The following SNTB2 variants were observed in gnomAD, a reference collection of about 807,000 sequenced individuals.
SNTB2 encodes syntrophin beta 2, also known as beta-2-syntrophin.
SNTB2 carries 34 observed loss-of-function variants against 46.2 expected under a neutral mutation model. The observed-to-expected ratio is 0.74, with a 90% CI of 0.56 to 0.98. The LOEUF (loss-of-function observed/expected upper bound fraction) is 0.98, where lower values mean the gene tolerates loss of function less well. SNTB2 is among the 50% of genes least tolerant of loss of function. SNTB2 has a pLI of 0.00. For synonymous variants in SNTB2, 290 were observed against 312.6 expected, an observed-to-expected ratio of 0.93 and a Z score of 0.76; for missense variants, 603 against 731.4, an observed-to-expected ratio of 0.82 and a Z score of 2.02.
chr16:69,244,794 A>G (rs1347437604), intron 1 of SNTB2, among the ~76,000 whole-genome samples: 1 of 152,178 alleles, frequency 6.6e-6, no homozygotes, highest in Non-Finnish European at 1.5e-5. Flanking sequence ...AAGAACTGTA[A>G]TGGCCTGTTT....
chr16:69,299,550 AG>A (rs1965259789), intron 5 of SNTB2, 39 bp from the exon 6 acceptor site: 1 of 1,592,544 alleles, frequency 6.3e-7, no homozygotes, highest in Admixed American at 1.7e-5. Context: ...TAACTGACAT[AG>A]CAACTTTACA....
chr16:69,263,894 A>T (rs1277994094), intron 3 of SNTB2, among the ~76,000 whole-genome samples: 5 of 147,936 alleles, frequency 3.4e-5, no homozygotes, highest in African/African-American at 1.3e-4. Flanking sequence ...GCAGAGTCTC[A>T]CTCTGTTGCC....
rs180849308 is a variant in SNTB2 at position 69,213,744 on chromosome 16, C to T, written c.580+25998C>T. ...GGAACTCCTGACCTTGTGTTCCACC[C>T]GCCTTAGCATCCCAAAGTACTGGGA... On this transcript the variant is annotated intron_variant, in intron 1 of 6. Coordinates refer to ENST00000336278, the MANE Select transcript of SNTB2 (RefSeq NM_006750.4). 9.1e-3 allele frequency among the ~76,000 whole-genome samples: 1,386 copies of T among 151,596 alleles called. 17 individuals carry two copies. Among genetic ancestry groups the T allele is most frequent in the South Asian group, 0.014 (68 of 4,798 alleles).
chr16:69,282,595 C>G (rs1965060648), intron 4 of SNTB2, among the ~76,000 whole-genome samples: 1 of 152,270 alleles, frequency 6.6e-6, no homozygotes, highest in Non-Finnish European at 1.5e-5. Context: ...AGTTTCCATA[C>G]AAACTTTGGA....
chr16:69,252,031 A>G (rs887935269), intron 2 of SNTB2, among the ~76,000 whole-genome samples: 1 of 152,230 alleles, frequency 6.6e-6, no homozygotes, highest in Non-Finnish European at 1.5e-5. Context: ...CCACATCCTC[A>G]CCAAAAGGTG....
At chr16:69,254,464 G>A (rs1039721309) in intron 2 of SNTB2, among the ~76,000 whole-genome samples, 7 of 152,198 alleles carry the variant, frequency 4.6e-5, no homozygotes, top group African/African-American at 1.4e-4. Flanking sequence ...TCTTGGATTT[G>A]TAAGATTATG....
At chr16:69,256,347 C>T (rs953360059) in intron 2 of SNTB2, among the ~76,000 whole-genome samples, 2 of 152,102 alleles carry the variant, frequency 1.3e-5, no homozygotes, top group Non-Finnish European at 2.9e-5. Flanking sequence ...GTAAAATACA[C>T]ATAACATGAA....
chr16:69,196,182 T>A (rs1597168075), intron 1 of SNTB2, among the ~76,000 whole-genome samples: 1 of 152,146 alleles, frequency 6.6e-6, no homozygotes, highest in East Asian at 1.9e-4. Context: ...GAGGCTGCAG[T>A]GAGCCATGTT....
At chr16:69,266,021 A>G (rs189017950) in intron 3 of SNTB2, among the ~76,000 whole-genome samples, 4 of 152,176 alleles carry the variant, frequency 2.6e-5, no homozygotes, top group Admixed American at 2.0e-4. Flanking sequence ...AACACATACT[A>G]TATAGAGCAG....
chr16:69,225,579 C>T (rs989232901), intron 1 of SNTB2, among the ~76,000 whole-genome samples: 11 of 152,168 alleles, frequency 7.2e-5, no homozygotes, highest in African/African-American at 2.7e-4. Context: ...TGTATTTACA[C>T]CTCTATAGCA....
chr16:69,218,303 A>G (rs1964368083), intron 1 of SNTB2, among the ~76,000 whole-genome samples: 2 of 152,214 alleles, frequency 1.3e-5, no homozygotes, highest in Admixed American at 1.3e-4. Flanking sequence ...TATTAACTTA[A>G]TATTACTTGA....
intron 4 of SNTB2, among the ~76,000 whole-genome samples, chr16:69,280,234 A>C (rs112044666): frequency 0.15 from 22,175 of 152,240 alleles, 1,804 homozygotes; most frequent in Middle Eastern, 0.23. Context: ...AGTACAGAAC[A>C]AAATGAAAAG....
intron 1 of SNTB2, among the ~76,000 whole-genome samples, chr16:69,222,623 T>C (rs1335858921): frequency 6.6e-6 from 1 of 150,522 alleles, no homozygotes; most frequent in Non-Finnish European, 1.5e-5. Context: ...TTATAAGATG[T>C]GTTAAAAAGC....
intron 1 of SNTB2, among the ~76,000 whole-genome samples, chr16:69,243,103 A>T (rs1199425159): frequency 6.6e-6 from 1 of 152,148 alleles, no homozygotes; most frequent in Non-Finnish European, 1.5e-5. Context: ...AACAGTTTGT[A>T]AACATCAGTG....
chr16:69,221,904 C>T (rs1964408933), intron 1 of SNTB2, among the ~76,000 whole-genome samples: 1 of 152,192 alleles, frequency 6.6e-6, no homozygotes, highest in Non-Finnish European at 1.5e-5. Context: ...TCATGGAACT[C>T]AGGTATGAGC....
chr16:69,244,574 T>G (rs1007483043), intron 1 of SNTB2, among the ~76,000 whole-genome samples: 2 of 152,236 alleles, frequency 1.3e-5, no homozygotes, highest in Admixed American at 6.5e-5. Context: ...TGACAGTAAT[T>G]GTAGTCATGA....
intron 4 of SNTB2, among the ~76,000 whole-genome samples, chr16:69,281,253 C>T (rs1300281088): frequency 3.4e-5 from 5 of 145,582 alleles, no homozygotes; most frequent in Admixed American, 2.1e-4. Flanking sequence ...TTTTTTGAGA[C>T]GAAGTCTCGC....
At chr16:69,266,484 T>TTTTTTTTTTTTTTTTTTTTTTTTTTGAG (rs1964886246) in intron 3 of SNTB2, among the ~76,000 whole-genome samples, 1 of 152,188 alleles carries the variant, frequency 6.6e-6, no homozygotes. Context: ...AGATATTCTC[T>TTTTTTTTTTTTTTTTTTTTTTTTTTGAG]AAAAACTAAG....
chr16:69,300,944 G>T lies in SNTB2; in HGVS notation c.*20G>T. The T allele has an allele frequency of 6.8e-7, 1 of 1,462,842 alleles. No homozygotes were observed. The highest frequency in any genetic ancestry group is 9.5e-7 in the Non-Finnish European group (1 of 1,047,842). 90.6% of individuals were successfully genotyped at this position (1,462,842 alleles called of 1,614,324 possible). A position where few individuals can be genotyped will look rare whatever the true frequency, so the allele number is the denominator to read the frequency against. ...GTATGAGCAACAAAAAATCAGAAAA[G>T]AGCCTTGACTGTCACAAGAAATATT... On this transcript the variant is annotated 3_prime_UTR_variant, in exon 7 of 7. Coordinates refer to ENST00000336278, the MANE Select transcript of SNTB2 (RefSeq NM_006750.4).
Sources: allele counts gnomAD v4.1 joint callset (sites outside exome capture counted in the v4.1 genomes callset), GRCh38; gene constraint gnomAD v4.1.1; transcripts MANE v1.5; gene names NCBI Gene and HGNC (gene_info 2026-07-23, HGNC 2026-07-21).